The following PCNX2 variants were observed in gnomAD, a reference collection of about 807,000 sequenced individuals.
The protein encoded by PCNX2 is pecanex 2.
A neutral mutation model predicts 223.8 loss-of-function variants in PCNX2; 168 were observed. That is an observed-to-expected ratio of 0.75 (90% confidence interval 0.66 to 0.85). PCNX2 has a LOEUF of 0.85. Among genes scored for constraint, PCNX2 ranks in the 40% least tolerant of loss-of-function variants. PCNX2 has a pLI of 0.00. For missense variants in PCNX2, 2,507 were observed against 2,675.5 expected, an observed-to-expected ratio of 0.94 and a Z score of 1.39; for synonymous variants, 1,006 against 1,052.6, an observed-to-expected ratio of 0.96 and a Z score of 0.86.
chr1:232,998,714 A>T (rs1669964007), intron 31 of PCNX2, among the ~76,000 whole-genome samples: 1 of 152,164 alleles, frequency 6.6e-6, no homozygotes, highest in African/African-American at 2.4e-5. Flanking sequence ...TTCAGGCAAA[A>T]CTTCTTAGAA....
chr1:233,217,496 C>T (rs1193435994), intron 12 of PCNX2, among the ~76,000 whole-genome samples: 1 of 152,132 alleles, frequency 6.6e-6, no homozygotes, highest in Non-Finnish European at 1.5e-5. Flanking sequence ...CCTATTTACA[C>T]ATAGGGAAAC....
intron 28 of PCNX2, among the ~76,000 whole-genome samples, chr1:233,010,309 T>C (rs1346168662): frequency 6.6e-6 from 1 of 152,246 alleles, no homozygotes; most frequent in African/African-American, 2.4e-5. Flanking sequence ...AGTGACCTCC[T>C]GCAACAAGGC....
intron 21 of PCNX2, among the ~76,000 whole-genome samples, chr1:233,125,693 T>C (rs1350377740): frequency 1.3e-5 from 2 of 152,142 alleles, no homozygotes; most frequent in African/African-American, 4.8e-5. Flanking sequence ...CCCGAAGACT[T>C]TGGCTGAAAC....
chr1:233,076,692 C>T (rs1163394889), intron 23 of PCNX2, among the ~76,000 whole-genome samples: 2 of 152,200 alleles, frequency 1.3e-5, no homozygotes, highest in Non-Finnish European at 2.9e-5. Context: ...ACTAAAATTA[C>T]ACTTCTTATT....
At chr1:233,276,017 G>A (rs181405527) in intron 1 of PCNX2, among the ~76,000 whole-genome samples, 6 of 149,518 alleles carry the variant, frequency 4.0e-5, no homozygotes, top group Non-Finnish European at 7.4e-5. Context: ...ATGACTGAGC[G>A]AGACTGTCTC....
At chr1:233,272,733 G>A (rs1207995928) in intron 1 of PCNX2, among the ~76,000 whole-genome samples, 2 of 152,106 alleles carry the variant, frequency 1.3e-5, no homozygotes, top group Non-Finnish European at 2.9e-5. Flanking sequence ...GCAAAAATAC[G>A]GAACCAGCCC....
Position 232,986,426 on chromosome 1 carries a change from G to C in PCNX2, c.5906C>G (p.Thr1969Arg), listed in dbSNP as rs151123406. 1.2e-6 allele frequency: 2 copies of C among 1,607,000 alleles called. No homozygotes were observed. The highest frequency in any genetic ancestry group is 1.3e-5 in the African/African-American group (1 of 74,964). Residue 1969 changes from threonine to arginine, a missense_variant, in exon 33 of 34, where the codon ACG becomes AGG. By Grantham distance (71) the Thr-to-Arg change is moderately conservative. Around this residue, in one of 3 missense-constraint regions of PCNX2, gnomAD observed 1,372 missense variants for 1,509.4 expected, o/e 0.91. Transcript: ENST00000258229. ...ILESRQTFLQ[T>R]STSVHELAQR... is the part of the protein sequence containing the mutation. ...GGCCAGCTCGTGCACTGAGGTGGACGTCTGGAGGAATGTTTGGCGGCTCTC... is the reference window on the plus strand; with the variant it reads ...GGCCAGCTCGTGCACTGAGGTGGACCTCTGGAGGAATGTTTGGCGGCTCTC...
intron 23 of PCNX2, among the ~76,000 whole-genome samples, chr1:233,071,464 T>A (rs1672851740): frequency 6.6e-6 from 1 of 152,200 alleles, no homozygotes; most frequent in African/African-American, 2.4e-5. Context: ...TCCAGCTCCA[T>A]CCATGTTTCT....
chr1:233,160,653 A>AG (rs35864442), intron 18 of PCNX2, among the ~76,000 whole-genome samples: 102,017 of 152,012 alleles, frequency 0.67, 34,355 homozygotes, highest in East Asian at 0.74. Context: ...AGCCTATGGA[A>AG]TACAGAGGCC....
intron 7 of PCNX2, among the ~76,000 whole-genome samples, chr1:233,251,941 A>G (rs1659477514): frequency 6.6e-6 from 1 of 152,290 alleles, no homozygotes; most frequent in African/African-American, 2.4e-5. Flanking sequence ...ACAAATATTT[A>G]GTAAGTACTG....
intron 25 of PCNX2, among the ~76,000 whole-genome samples, chr1:233,030,267 G>A (rs1671219156): frequency 6.6e-6 from 1 of 151,850 alleles, no homozygotes; most frequent in Non-Finnish European, 1.5e-5. Flanking sequence ...AGAATTTTAA[G>A]TTTTTGGTGT....
chr1:233,104,422 T>C (rs1674652605), intron 21 of PCNX2, among the ~76,000 whole-genome samples: 1 of 152,056 alleles, frequency 6.6e-6, no homozygotes, highest in Non-Finnish European at 1.5e-5. Context: ...CAAAATAGAA[T>C]ACATAGCAGT....
chr1:233,321,225 A>T, the PCNX2 span, among the ~76,000 whole-genome samples: 5 of 151,966 alleles, frequency 3.3e-5, no homozygotes, highest in East Asian at 9.6e-4. Context: ...CATTCTTTCA[A>T]GTAAAAATGG....
At chr1:233,057,325 T>C (rs1234146096) in intron 23 of PCNX2, 35 bp from the exon 24 acceptor site, 5 of 1,526,486 alleles carry the variant, frequency 3.3e-6, no homozygotes, top group Non-Finnish European at 3.6e-6. Context: ...AAGGTCATGA[T>C]TAGATCCCCC....
chr1:233,262,244 A>C (rs1490506358), intron 2 of PCNX2, 79 bp from the exon 3 acceptor site: 2 of 1,553,488 alleles, frequency 1.3e-6, no homozygotes, highest in Non-Finnish European at 1.7e-6. Flanking sequence ...CTAGTCTAAA[A>C]ACTTTTTTTC....
intron 19 of PCNX2, among the ~76,000 whole-genome samples, chr1:233,142,395 C>T (rs1461349158): frequency 6.6e-6 from 1 of 152,192 alleles, no homozygotes; most frequent in African/African-American, 2.4e-5. Flanking sequence ...TTCATTTATA[C>T]TCATATCTAC....
intron 17 of PCNX2, among the ~76,000 whole-genome samples, chr1:233,173,961 T>C (rs1679311920): frequency 6.6e-6 from 1 of 151,030 alleles, no homozygotes; most frequent in Non-Finnish European, 1.5e-5. Flanking sequence ...AAGTTTTATA[T>C]ACACATATAA....
Position 233,258,415 on chromosome 1 carries a change from T to C in PCNX2, c.1447A>G (p.Ser483Gly), listed in dbSNP as rs529723332. The C allele has an allele frequency of 6.8e-6, 11 of 1,613,962 alleles. No individual in the cohort carries two copies. The South Asian group carries it at 9.9e-5, about 14-fold the overall frequency. Residue 483 changes from serine to glycine, a missense_variant, in exon 5 of 34, where the codon AGT (serine) becomes GGT (glycine). Coordinates refer to ENST00000258229, the MANE Select transcript of PCNX2 (RefSeq NM_014801.4). ...TCCCAGGGTTCCCGTGATGAAGAAC[T>C]GTGATCCTTGATGGCATTTCCCCCC... The part of the protein sequence containing the change: ...GEGGNAIKDH[S>G]SSSREPWESV...
intron 1 of PCNX2, chr1:233,294,131 A>G (rs1416818094): frequency 3.3e-5 from 13 of 393,836 alleles, no homozygotes; most frequent in Non-Finnish European, 4.5e-5. Context: ...AGAAAAGTTC[A>G]GTATCAGACC....
Sources: allele counts gnomAD v4.1 joint callset (sites outside exome capture counted in the v4.1 genomes callset), GRCh38; gene constraint gnomAD v4.1.1; regional missense constraint gnomAD v4.1.1; transcripts MANE v1.5; gene names NCBI Gene and HGNC (gene_info 2026-07-23, HGNC 2026-07-21).